HNF4G: variants seen among roughly 807,000 people sequenced by gnomAD.
HNF4G encodes hepatocyte nuclear factor 4 gamma.
A neutral mutation model predicts 50.9 loss-of-function variants in HNF4G; 21 were observed. The observed-to-expected ratio is 0.41, with a 90% CI of 0.29 to 0.59. The LOEUF (loss-of-function observed/expected upper bound fraction) is 0.59, where lower values mean the gene tolerates loss of function less well. HNF4G is among the 20% of genes least tolerant of loss of function. HNF4G has a pLI of 0.26. For synonymous variants in HNF4G, 198 were observed against 185.6 expected (o/e 1.07, Z -0.54); for missense variants, 527 against 559.4 (o/e 0.94, Z 0.58).
intron 1 of HNF4G, among the ~76,000 whole-genome samples, chr8:75,461,582 A>AT (rs1811842250): frequency 6.6e-6 from 1 of 152,154 alleles, no homozygotes. Context: ...GTGAGAGGCC[A>AT]TTATTCTGCC....
chr8:75,433,993 G>GTTTCT (rs1204413136), intron 1 of HNF4G, among the ~76,000 whole-genome samples: 1 of 138,598 alleles, frequency 7.2e-6, no homozygotes, highest in African/African-American at 2.7e-5. Context: ...AATAACTTAT[G>GTTTCT]TTTCTTTTCT....
chr8:75,430,503 G>GAA (rs1554567911), intron 1 of HNF4G, among the ~76,000 whole-genome samples: 17 of 123,334 alleles, frequency 1.4e-4, no homozygotes, highest in African/African-American at 5.7e-4. Flanking sequence ...AGAGAGAGAG[G>GAA]GAGAGAGAGA....
rs117115454 is a variant in HNF4G at position 75,489,917 on chromosome 8, A to C, written c.-143-172A>C. 9.5e-4 allele frequency among the ~76,000 whole-genome samples: 144 copies of C among 152,324 alleles called. 1 individual carries two copies. Among genetic ancestry groups the C allele is most frequent in the South Asian group, 1.7e-3 (8 of 4,824 alleles). ...TTCCTGTGGCACTAGAGTTTTCTTA[A>C]GTATAAACCATTCCAAAATCACATT... is the stretch of plus-strand genomic sequence containing the variant. On this transcript the variant is annotated intron_variant, in intron 1 of 10. Transcript: ENST00000354370.
chr8:75,549,744 T>C (rs972855180), intron 3 of HNF4G, among the ~76,000 whole-genome samples: 2 of 152,026 alleles, frequency 1.3e-5, no homozygotes, highest in Admixed American at 1.3e-4. Flanking sequence ...TATCTCCTAA[T>C]GCTATCCCTC....
intron 1 of HNF4G, among the ~76,000 whole-genome samples, chr8:75,433,359 A>G (rs1021286759): frequency 6.7e-6 from 1 of 148,650 alleles, no homozygotes; most frequent in Non-Finnish European, 1.5e-5. Context: ...GTGAGCTTTG[A>G]TGGGGCCACA....
chr8:75,461,885 A>T (rs1327361479), intron 1 of HNF4G, among the ~76,000 whole-genome samples: 1 of 128,274 alleles, frequency 7.8e-6, no homozygotes, highest in Non-Finnish European at 1.6e-5. Context: ...AAAAAAAATA[A>T]ATATATAAAT....
At position 75,490,680 on chromosome 8, in the gene HNF4G, CTCTTT is replaced by C. The variant is rs537896730; in HGVS notation, c.-24+477_-24+481del. On this transcript the variant is annotated intron_variant, in intron 2 of 10. Coordinates refer to the HNF4G transcript ENST00000354370. ...CTGAAAAAGATGGCAAGTGTTTTCT[CTCTTT>C]TCTTGATTATTTCTTCTTACTTAGG... is the stretch of plus-strand genomic sequence containing the variant. Among the ~76,000 whole-genome samples, 130 of 152,114 alleles carry C rather than the reference CTCTTT, an allele frequency of 8.5e-4. 1 individual carries two copies. Among genetic ancestry groups the C allele is most frequent in the African/African-American group, 2.8e-3 (115 of 41,466 alleles).
chr8:75,475,028 AGACG>A (rs1201032069), intron 1 of HNF4G, among the ~76,000 whole-genome samples: 1 of 144,222 alleles, frequency 6.9e-6, no homozygotes, highest in African/African-American at 2.6e-5. Flanking sequence ...TTATTTTTTG[AGACG>A]GAGTCTTGCT....
intron 1 of HNF4G, chr8:75,490,050 T>C (rs1221698949): frequency 6.6e-6 from 1 of 152,586 alleles, no homozygotes; most frequent in South Asian, 2.1e-4. Context: ...CTATGCAGCA[T>C]GTCACTCAAT....
intron 2 of HNF4G, among the ~76,000 whole-genome samples, chr8:75,498,209 T>G (rs188483046): frequency 6.6e-6 from 1 of 152,284 alleles, no homozygotes; most frequent in East Asian, 1.9e-4. Flanking sequence ...TATCCAATTT[T>G]TGGGTCTTCT....
At chr8:75,457,488 A>G (rs1811749643) in intron 1 of HNF4G, among the ~76,000 whole-genome samples, 1 of 152,202 alleles carries the variant, frequency 6.6e-6, no homozygotes, top group Non-Finnish European at 1.5e-5. Context: ...GAACGTGTCC[A>G]GGATGAGACA....
At chr8:75,496,543 C>T (rs905129215) in intron 2 of HNF4G, among the ~76,000 whole-genome samples, 4 of 151,986 alleles carry the variant, frequency 2.6e-5, no homozygotes, top group African/African-American at 7.2e-5. Context: ...AATTCTCCAT[C>T]TCACAACTTT....
intron 1 of HNF4G, among the ~76,000 whole-genome samples, chr8:75,449,938 C>T (rs560224274): frequency 3.3e-5 from 5 of 152,266 alleles, no homozygotes; most frequent in African/African-American, 1.2e-4. Flanking sequence ...TATAGCCCCC[C>T]GATGTATGTA....
At chr8:75,490,811 C>A (rs1020287944) in intron 2 of HNF4G, among the ~76,000 whole-genome samples, 1 of 152,146 alleles carries the variant, frequency 6.6e-6, no homozygotes, top group African/African-American at 2.4e-5. Flanking sequence ...GAGCAGATTG[C>A]GATTGTTCAC....
chr8:75,436,752 T>A (rs117156404), intron 1 of HNF4G, among the ~76,000 whole-genome samples: 1 of 152,204 alleles, frequency 6.6e-6, no homozygotes, highest in South Asian at 2.1e-4. Context: ...AAGTTTAAAA[T>A]GAGAACTTTG....
At chr8:75,450,774 T>C (rs532076480) in intron 1 of HNF4G, among the ~76,000 whole-genome samples, 3 of 152,336 alleles carry the variant, frequency 2.0e-5, no homozygotes, top group East Asian at 3.9e-4. Flanking sequence ...ATGGGAACTT[T>C]TAGAGGCGTT....
chr8:75,531,568 C>G (rs1464671912), intron 2 of HNF4G, among the ~76,000 whole-genome samples: 1 of 151,966 alleles, frequency 6.6e-6, no homozygotes, highest in Non-Finnish European at 1.5e-5. Flanking sequence ...CCCTTTTTCA[C>G]ACTGAACTTA....
chr8:75,449,309 G>C (rs1215557543), intron 1 of HNF4G, among the ~76,000 whole-genome samples: 1 of 151,874 alleles, frequency 6.6e-6, no homozygotes, highest in Non-Finnish European at 1.5e-5. Context: ...TGCAATTATA[G>C]AATTAAAGCA....
At chr8:75,431,370 T>C (rs1461899903) in intron 1 of HNF4G, among the ~76,000 whole-genome samples, 1 of 152,186 alleles carries the variant, frequency 6.6e-6, no homozygotes, top group Non-Finnish European at 1.5e-5. Flanking sequence ...AAAACAAATC[T>C]TAAGTTAATT....
Sources: allele counts gnomAD v4.1 joint callset (sites outside exome capture counted in the v4.1 genomes callset), GRCh38; gene constraint gnomAD v4.1.1; transcripts MANE v1.5; gene names NCBI Gene and HGNC (gene_info 2026-07-23, HGNC 2026-07-21).